The following CAAP1 variants were observed in gnomAD, a reference collection of about 807,000 sequenced individuals.
CAAP1 encodes the protein conserved anti-apoptotic protein.
Under a neutral mutation model 34.0 loss-of-function variants are expected in CAAP1, and 20 were observed. The ratio of observed to expected loss-of-function variants is 0.59; its 90% CI spans 0.41 to 0.86. CAAP1 has a LOEUF of 0.86. CAAP1 is among the 40% of genes least tolerant of loss of function. The pLI is 0.00. For synonymous variants in CAAP1, 213 were observed against 166.7 expected (o/e 1.28, Z -2.14); for missense variants, 538 against 450.5 (o/e 1.19, Z -1.76).
intron 4 of CAAP1, among the ~76,000 whole-genome samples, chr9:26,870,806 G>A (rs1263632197): frequency 1.3e-5 from 2 of 151,814 alleles, no homozygotes; most frequent in Non-Finnish European, 2.9e-5. Context: ...TAGAAGAGAT[G>A]GGGTTTCACC....
intron 5 of CAAP1, among the ~76,000 whole-genome samples, chr9:26,857,710 T>C (rs921028777): frequency 4.6e-5 from 7 of 152,214 alleles, no homozygotes; most frequent in African/African-American, 1.4e-4. Context: ...ATTGAACCAA[T>C]AGATTATATT....
At chr9:26,852,592 G>T (rs1822778706) in intron 5 of CAAP1, among the ~76,000 whole-genome samples, 1 of 152,122 alleles carries the variant, frequency 6.6e-6, no homozygotes, top group Non-Finnish European at 1.5e-5. Context: ...TACACTACTG[G>T]TGTAAATAAG....
chr9:26,874,095 T>G (rs1823356753), intron 4 of CAAP1, among the ~76,000 whole-genome samples: 2 of 149,980 alleles, frequency 1.3e-5, no homozygotes, highest in Non-Finnish European at 1.5e-5. Context: ...TGGTCCCAGC[T>G]GCTCGGGAGG....
At chr9:26,844,421 G>A (rs565815861) in intron 5 of CAAP1, among the ~76,000 whole-genome samples, 3 of 152,130 alleles carry the variant, frequency 2.0e-5, no homozygotes, top group Non-Finnish European at 4.4e-5. Flanking sequence ...TAGTGTCTCC[G>A]AGGCTTTACC....
At position 26,892,750 on chromosome 9, in the gene CAAP1, C is replaced by T. The variant is rs761776058; in HGVS notation, c.-35G>A. On this transcript the variant is annotated 5_prime_UTR_variant, in exon 1 of 6. Transcript: ENST00000333916. ...GCTGCAACCATCGGAGGAAAGTCCG[C>T]TGTCTCTGGTGCGACCGAAGCCCGA... 7 of 1,547,300 alleles carry T rather than the reference C, an allele frequency of 4.5e-6. No individual in the cohort carries two copies. The South Asian group carries it at 7.2e-5, about 16-fold the overall frequency.
chr9:26,859,059 A>G (rs1822945118), intron 5 of CAAP1, among the ~76,000 whole-genome samples: 1 of 152,086 alleles, frequency 6.6e-6, no homozygotes. Context: ...TTTAGTCACA[A>G]CATGAGCATG....
At chr9:26,872,472 C>T (rs12004912) in intron 4 of CAAP1, among the ~76,000 whole-genome samples, 6,159 of 151,094 alleles carry the variant, frequency 0.041, 442 homozygotes, top group African/African-American at 0.14. Context: ...TATTCTATTG[C>T]AAACAAAAGC....
At chr9:26,851,779 C>G (rs1440241849) in intron 5 of CAAP1, among the ~76,000 whole-genome samples, 1 of 152,114 alleles carries the variant, frequency 6.6e-6, no homozygotes, top group East Asian at 1.9e-4. Context: ...TTCCAAGCAT[C>G]GGAGTTTGGA....
intron 4 of CAAP1, among the ~76,000 whole-genome samples, chr9:26,875,773 A>G (rs968980423): frequency 3.3e-5 from 5 of 152,330 alleles, no homozygotes; most frequent in Admixed American, 6.5e-5. Context: ...CATGCCCAGG[A>G]AAGTTGCTTG....
chr9:26,858,989 A>C (rs1421120631), intron 5 of CAAP1, among the ~76,000 whole-genome samples: 1 of 136,274 alleles, frequency 7.3e-6, no homozygotes. Context: ...AGAGCGAGAG[A>C]CTGTCTCAAA....
chr9:26,870,655 C>A (rs977852561), intron 4 of CAAP1, among the ~76,000 whole-genome samples: 11 of 150,334 alleles, frequency 7.3e-5, no homozygotes, highest in Admixed American at 2.0e-4. Context: ...GCTCTGTTGC[C>A]CAGGCTGGAG....
chr9:26,881,472 AC>A (rs984452193), intron 4 of CAAP1, among the ~76,000 whole-genome samples: 10 of 152,312 alleles, frequency 6.6e-5, no homozygotes, highest in African/African-American at 2.2e-4. Flanking sequence ...AGTAAGTTTC[AC>A]AAGATCTGAT....
chr9:26,883,264 T>C (rs1370665543), intron 4 of CAAP1, among the ~76,000 whole-genome samples: 1 of 152,148 alleles, frequency 6.6e-6, no homozygotes, highest in Non-Finnish European at 1.5e-5. Context: ...AATTCTTACA[T>C]GTTGTGGAAG....
chr9:26,879,273 T>A (rs552459396), intron 4 of CAAP1, among the ~76,000 whole-genome samples: 1 of 152,346 alleles, frequency 6.6e-6, no homozygotes, highest in African/African-American at 2.4e-5. Context: ...AACTGCTGTT[T>A]ATGATGTCAT....
At chr9:26,868,903 T>C (rs547687373) in intron 4 of CAAP1, among the ~76,000 whole-genome samples, 113 of 152,320 alleles carry the variant, frequency 7.4e-4, no homozygotes, top group Non-Finnish European at 1.4e-3. Flanking sequence ...AAACCACATG[T>C]AAAAGACCTT....
intron 4 of CAAP1, among the ~76,000 whole-genome samples, chr9:26,878,469 T>C (rs1399807661): frequency 6.6e-6 from 1 of 152,198 alleles, no homozygotes; most frequent in African/African-American, 2.4e-5. Context: ...CTTTGAGATA[T>C]CTACTCCCCA....
chr9:26,863,892 A>C (rs1823065444), intron 4 of CAAP1, among the ~76,000 whole-genome samples: 1 of 151,958 alleles, frequency 6.6e-6, no homozygotes, highest in African/African-American at 2.4e-5. Flanking sequence ...CCTGTGCTCA[A>C]GTAATCTTCC....
At chr9:26,871,205 T>C (rs1823267465) in intron 4 of CAAP1, among the ~76,000 whole-genome samples, 1 of 152,222 alleles carries the variant, frequency 6.6e-6, no homozygotes, top group African/African-American at 2.4e-5. Context: ...ATTCAAATTC[T>C]TAGTATTCTA....
chr9:26,872,553 A>AATATATATATATATATATATAT lies in CAAP1; in HGVS notation c.666-11415_666-11414insATATATATATATATATATATAT, dbSNP rs145299717. Among the ~76,000 whole-genome samples, 287 of 142,454 alleles carry AATATATATATATATATATATAT rather than the reference A, an allele frequency of 2.0e-3. 4 individuals carry two copies. The highest frequency in any genetic ancestry group is 7.3e-3 in the African/African-American group (268 of 36,852). 93.5% of individuals were successfully genotyped at this position (142,454 alleles called of 152,430 possible). ...TAAATAGACAGATAGATATACATAT[A>AATATATATATATATATATATAT]ATATATATATATATATATATTTAGA... On this transcript the variant is annotated intron_variant, in intron 4 of 5. Coordinates refer to ENST00000333916, the MANE Select transcript of CAAP1 (RefSeq NM_024828.4).
Sources: allele counts gnomAD v4.1 joint callset (sites outside exome capture counted in the v4.1 genomes callset), GRCh38; gene constraint gnomAD v4.1.1; transcripts MANE v1.5; gene names NCBI Gene and HGNC (gene_info 2026-07-23, HGNC 2026-07-21).